Variants in INO80 observed in about 807,000 individuals in gnomAD.
INO80 encodes INO80 complex ATPase subunit.
A neutral mutation model predicts 203.4 loss-of-function variants in INO80; 20 were observed. That is an observed-to-expected ratio of 0.10 (90% CI 0.07 to 0.14). The LOEUF is 0.14. Ranked by LOEUF, INO80 falls within the 10% of genes least tolerant of loss-of-function variation. The pLI is 1.00. For synonymous variants in INO80, 726 were observed against 685.2 expected (o/e 1.06, Z -0.93); for missense variants, 1,419 against 1,914.4 (o/e 0.74, Z 4.83).
Position 40,980,854 on chromosome 15 carries a change from C to T in INO80, c.4454-414G>A, listed in dbSNP as rs118104400. On this transcript the variant is annotated intron_variant, in intron 35 of 35. Transcript: ENST00000648947. ...AAGATGTTTCCTTTTCAATTTCATG[C>T]TCCTGCTACTCTCCAGTAAGTCGGG... 8.5e-4 allele frequency among the ~76,000 whole-genome samples: 129 copies of T among 152,304 alleles called. 4 individuals are homozygous for T. In the East Asian group the frequency reaches 0.024, roughly 28 times the overall value.
chr15:40,985,134 T>A (rs2140410267), intron 32 of INO80, among the ~76,000 whole-genome samples: 1 of 151,820 alleles, frequency 6.6e-6, no homozygotes, highest in East Asian at 1.9e-4. Context: ...ACCGTAAGGG[T>A]GAGTTTGTGT....
At chr15:41,044,163 G>T (rs2044714969) in intron 24 of INO80, among the ~76,000 whole-genome samples, 1 of 152,060 alleles carries the variant, frequency 6.6e-6, no homozygotes, top group African/African-American at 2.4e-5. Flanking sequence ...CTCTAAACAG[G>T]GTTATACTTG....
At chr15:41,070,094 G>A (rs2045287051) in intron 13 of INO80, among the ~76,000 whole-genome samples, 1 of 152,110 alleles carries the variant, frequency 6.6e-6, no homozygotes, top group Non-Finnish European at 1.5e-5. Flanking sequence ...AAGAGGAAGA[G>A]GAAACTAAGC....
rs184793929 is a variant in INO80 at position 41,035,268 on chromosome 15, G to T, written c.2908-7532C>A. ...ATCAGCATGGAAATAAGGGGCTGTG[G>T]TAGTTTTATATGGCCACAAATTCCT... On this transcript the variant is annotated intron_variant, in intron 24 of 35. Coordinates refer to ENST00000648947, the MANE Select transcript of INO80 (RefSeq NM_017553.3). Among the ~76,000 whole-genome samples the T allele has an allele frequency of 2.0e-5, 3 of 152,320 alleles. No individual in the cohort carries two copies. The East Asian group carries it at 5.8e-4, about 29-fold the overall frequency.
intron 35 of INO80, 114 bp from the exon 36 acceptor site, chr15:40,980,554 T>C (rs932708414): frequency 4.6e-5 from 32 of 692,794 alleles, no homozygotes; most frequent in South Asian, 3.5e-5. Context: ...GGGCAATTCC[T>C]CCCTGCCACT....
intron 27 of INO80, among the ~76,000 whole-genome samples, chr15:41,006,517 A>C (rs1164206091): frequency 6.6e-6 from 1 of 152,214 alleles, no homozygotes; most frequent in Non-Finnish European, 1.5e-5. Context: ...AATCATTTCT[A>C]CATTTGGGAA....
intron 4 of INO80, 75 bp from the exon 5 acceptor site, chr15:41,092,257 G>T: frequency 1.6e-6 from 2 of 1,259,080 alleles, no homozygotes; most frequent in Non-Finnish European, 2.2e-6. Context: ...TTTTTTCCTA[G>T]ATCCAAAACA....
intron 6 of INO80, among the ~76,000 whole-genome samples, chr15:41,086,982 T>C (rs944099963): frequency 5.9e-5 from 9 of 152,208 alleles, no homozygotes; most frequent in Admixed American, 3.9e-4. Flanking sequence ...AATAAACTAA[T>C]TTTGCCTAAA....
At chr15:41,038,008 T>C (rs1483584830) in intron 24 of INO80, among the ~76,000 whole-genome samples, 2 of 130,630 alleles carry the variant, frequency 1.5e-5, no homozygotes, top group African/African-American at 6.1e-5. Context: ...CCTCTTCCCT[T>C]TTCTTTTTTT....
rs1339159796 is a variant in INO80 at position 41,059,943 on chromosome 15, T to C, written c.1783-17A>G. 6.6e-7 allele frequency: 1 copy of C among 1,524,880 alleles called. No homozygotes were observed. Among genetic ancestry groups the C allele is most frequent in the Non-Finnish European group, 9.1e-7 (1 of 1,104,578 alleles). The allele number at this position is 1,524,880 out of a possible 1,614,324, so 94.5% of individuals were successfully genotyped here. A position where few individuals can be genotyped will look rare whatever the true frequency, so the allele number is the denominator to read the frequency against. ...TGGTAGCACCTAGAAAAAGGGCCAA[T>C]ATATACATTACTTTCTATAGATGAT... On this transcript the variant is annotated splice_polypyrimidine_tract_variant and intron_variant, in intron 14 of 35. Transcript: ENST00000648947.
At chr15:41,027,873 C>T in intron 24 of INO80, 137 bp from the exon 25 acceptor site, 1 of 595,904 alleles carries the variant, frequency 1.7e-6, no homozygotes, top group Non-Finnish European at 2.8e-6. Flanking sequence ...AATAAACAAC[C>T]ACTAATTAGA....
chr15:41,062,733 G>GCT (rs2045134693), intron 14 of INO80, among the ~76,000 whole-genome samples: 1 of 152,140 alleles, frequency 6.6e-6, no homozygotes, highest in Non-Finnish European at 1.5e-5. Context: ...CTCACCCTGG[G>GCT]CTCTTCTGCT....
intron 9 of INO80, among the ~76,000 whole-genome samples, chr15:41,077,129 G>A (rs1381227993): frequency 6.6e-6 from 1 of 151,558 alleles, no homozygotes; most frequent in Non-Finnish European, 1.5e-5. Context: ...GGATGGTCTC[G>A]ATCTCCCGAT....
chr15:41,074,413 A>G lies in INO80; in HGVS notation c.1284T>C (p.Asp428=). ...LEDSSTQRQI[D]IGGGVVVNIT... The stretch of plus-strand genomic sequence containing the variant: ...TGTTAACTACCACTCCTCCACCTAT[A>G]TCGATTTGTCTCTGGGTAGAACTGT... Residue 428 remains aspartate, a synonymous_variant, in exon 10 of 36, where the codon GAT becomes GAC. Transcript: ENST00000648947. 8 of 1,613,866 alleles carry G rather than the reference A, an allele frequency of 5.0e-6. No individual in the cohort carries two copies. Among genetic ancestry groups the G allele is most frequent in the Non-Finnish European group, 6.8e-6 (8 of 1,179,904 alleles).
At chr15:41,023,863 C>T (rs543491515) in intron 25 of INO80, among the ~76,000 whole-genome samples, 1 of 149,828 alleles carries the variant, frequency 6.7e-6, no homozygotes. Context: ...CACAGATAAC[C>T]GTTTTGATTT....
Position 41,095,864 on chromosome 15 carries a change from T to C in INO80, c.208A>G (p.Ile70Val), listed in dbSNP as rs2045715746. ...TTTGGAGGTTCTTCCTTAACTTGTA[T>C]TAAGGGATCCCCAGACTGGGGCAAT... ...PLLPQSGDPL[I>V]QVKEEPPNSL... Residue 70 changes from isoleucine (I) to valine (V), a missense_variant, in exon 3 of 36, where the codon ATA becomes GTA. This residue lies in a region of INO80 where 323 missense variants were observed against 325.4 expected (regional missense o/e 0.99). Transcript: ENST00000648947. The C allele has an allele frequency of 2.5e-6, 4 of 1,614,014 alleles. No homozygotes were observed. Among genetic ancestry groups the C allele is most frequent in the Non-Finnish European group, 3.4e-6 (4 of 1,179,906 alleles).
chr15:41,101,165 C>T (rs2045802833), intron 1 of INO80, among the ~76,000 whole-genome samples: 1 of 152,050 alleles, frequency 6.6e-6, no homozygotes, highest in Admixed American at 6.6e-5. Flanking sequence ...AGATTGCTGG[C>T]CTCTCAATTC....
intron 32 of INO80, 131 bp from the exon 33 acceptor site, chr15:40,984,483 G>T: frequency 1.2e-6 from 1 of 826,194 alleles, no homozygotes; most frequent in Non-Finnish European, 1.9e-6. Flanking sequence ...ATATTTTTAC[G>T]GAAGAAAAAC....
At chr15:41,046,206 CATATATATATATATATATATATATATAT>C (rs1160486459) in intron 23 of INO80, among the ~76,000 whole-genome samples, 1 of 14,426 alleles carries the variant, frequency 6.9e-5, no homozygotes, top group African/African-American at 2.3e-4. Context: ...CGTATACATA[CATATATATATATATATATATATATATAT>C]ATATATATAT....
Sources: allele counts gnomAD v4.1 joint callset (sites outside exome capture counted in the v4.1 genomes callset), GRCh38; gene constraint gnomAD v4.1.1; regional missense constraint gnomAD v4.1.1; transcripts MANE v1.5; gene names NCBI Gene and HGNC (gene_info 2026-07-23, HGNC 2026-07-21).